The following AOPEP variants were observed in gnomAD, a reference collection of about 807,000 sequenced individuals.
The protein encoded by AOPEP is aminopeptidase O.
In AOPEP, 77 loss-of-function variants were observed where a neutral mutation model predicts 98.1. The ratio of observed to expected loss-of-function variants is 0.78; its 90% CI spans 0.65 to 0.95. AOPEP has a LOEUF of 0.95. AOPEP is among the 40% of genes least tolerant of loss of function. AOPEP has a pLI of 0.00. For missense variants in AOPEP, 1,024 were observed against 1,024.7 expected (o/e 1.00, Z 0.01); for synonymous variants, 346 against 365.3 (o/e 0.95, Z 0.60).
At chr9:94,907,971 T>C (rs1460700270) in intron 5 of AOPEP, among the ~76,000 whole-genome samples, 1 of 152,192 alleles carries the variant, frequency 6.6e-6, no homozygotes, top group Non-Finnish European at 1.5e-5. Context: ...TTCCAACTTA[T>C]GGAAATTATT....
At chr9:95,053,055 G>A (rs1329050452) in intron 13 of AOPEP, among the ~76,000 whole-genome samples, 2 of 152,106 alleles carry the variant, frequency 1.3e-5, no homozygotes, top group East Asian at 1.9e-4. Context: ...CTGGTTTCCA[G>A]TTGCCTGGTT....
intron 5 of AOPEP, among the ~76,000 whole-genome samples, chr9:94,860,712 G>T (rs2044835621): frequency 1.3e-5 from 2 of 152,166 alleles, no homozygotes; most frequent in African/African-American, 4.8e-5. Context: ...GGATGGATGG[G>T]TGCTCCATTG....
chr9:94,963,558 C>T (rs2058992742), intron 9 of AOPEP, among the ~76,000 whole-genome samples: 1 of 152,020 alleles, frequency 6.6e-6, no homozygotes, highest in Non-Finnish European at 1.5e-5. Flanking sequence ...GATAGAATTT[C>T]ATCCCCTTCA....
At chr9:95,027,107 C>A (rs2063904751) in intron 13 of AOPEP, among the ~76,000 whole-genome samples, 1 of 151,906 alleles carries the variant, frequency 6.6e-6, no homozygotes, top group African/African-American at 2.4e-5. Flanking sequence ...TAAAAAAATA[C>A]AAAAGTTAGC....
At chr9:94,990,799 T>G (rs1468635683) in intron 11 of AOPEP, among the ~76,000 whole-genome samples, 1 of 152,044 alleles carries the variant, frequency 6.6e-6, no homozygotes, top group Non-Finnish European at 1.5e-5. Flanking sequence ...GCTAATTTTT[T>G]GTATTTTTAG....
intron 5 of AOPEP, among the ~76,000 whole-genome samples, chr9:94,829,926 T>C (rs537002461): frequency 1.1e-4 from 16 of 152,332 alleles, no homozygotes; most frequent in African/African-American, 3.6e-4. Context: ...CACCTATCTC[T>C]GTGCTTTGCC....
chr9:94,918,319 T>A (rs1489708119), intron 5 of AOPEP, among the ~76,000 whole-genome samples: 5 of 152,306 alleles, frequency 3.3e-5, no homozygotes, highest in Middle Eastern at 3.4e-3. Context: ...TTACCTTCCT[T>A]TCACTAGGAG....
At chr9:94,931,912 A>T in intron 7 of AOPEP, 1 of 1,158,968 alleles carries the variant, frequency 8.6e-7, no homozygotes, top group Non-Finnish European at 1.2e-6. Context: ...TGGCAGGTTA[A>T]CAGTCTCCAC....
chr9:94,955,294 G>C lies in AOPEP; in HGVS notation c.1764+15G>C. 6.5e-7 allele frequency: 1 copy of C among 1,543,546 alleles called. No homozygotes were observed. On this transcript the variant is annotated intron_variant, in intron 8 of 16. Coordinates refer to ENST00000375315, the MANE Select transcript of AOPEP (RefSeq NM_001193329.3). Reference sequence around the variant, plus strand: ...ATTATTTAAAGGTAAGCACATGTCAGTTGCAGAAGCCAGTGATTGTGGTGC... The same window carrying C: ...ATTATTTAAAGGTAAGCACATGTCACTTGCAGAAGCCAGTGATTGTGGTGC...
downstream of AOPEP, among the ~76,000 whole-genome samples, chr9:95,089,733 A>G (rs1014982298): frequency 6.6e-6 from 1 of 152,174 alleles, no homozygotes; most frequent in African/African-American, 2.4e-5. Context: ...CTGAACTTGA[A>G]TCCGCCAGTT....
At chr9:95,015,141 A>G (rs1250860411) in intron 13 of AOPEP, among the ~76,000 whole-genome samples, 1 of 152,228 alleles carries the variant, frequency 6.6e-6, no homozygotes, top group Non-Finnish European at 1.5e-5. Flanking sequence ...TGATAAAGCA[A>G]CACTTTACAC....
At chr9:95,068,871 T>C (rs1173974806) in intron 14 of AOPEP, among the ~76,000 whole-genome samples, 1 of 152,112 alleles carries the variant, frequency 6.6e-6, no homozygotes. Flanking sequence ...AAACGTGATA[T>C]GGCTAGAAAT....
Position 94,928,432 on chromosome 9 carries a change from C to G in AOPEP, c.1562C>G (p.Pro521Arg). 1 of 1,547,738 alleles carries G rather than the reference C, an allele frequency of 6.5e-7. No individual in the cohort carries two copies. The highest frequency in any genetic ancestry group is 8.7e-7 in the Non-Finnish European group (1 of 1,146,856). The change falls in exon 7 of 17, where the codon CCC becomes CGC. Residue 521 changes from proline (P) to arginine (R), a missense_variant. By Grantham distance (103) the Pro-to-Arg change is moderately radical (BLOSUM62 -2). Transcript: ENST00000375315. Reference sequence around the variant, plus strand: ...GTGTCTGTGGCTGAGCAGCTGGCCCCCTATGAGGCCCGGGAGCAGCAGGAG... The same window carrying G: ...GTGTCTGTGGCTGAGCAGCTGGCCCGCTATGAGGCCCGGGAGCAGCAGGAG... ...VFWATAQQLA[P>R]YEAREQQELR...
At chr9:94,797,091 A>G (rs997276194) in intron 4 of AOPEP, among the ~76,000 whole-genome samples, 4 of 152,228 alleles carry the variant, frequency 2.6e-5, no homozygotes, top group African/African-American at 9.6e-5. Context: ...TAGGAAGTAC[A>G]GCATCTTTGA....
At chr9:94,776,048 T>C (rs1842024275) in intron 3 of AOPEP, among the ~76,000 whole-genome samples, 1 of 151,998 alleles carries the variant, frequency 6.6e-6, no homozygotes, top group Admixed American at 6.5e-5. Context: ...ACGTGGTTCA[T>C]TTATAGAAGA....
chr9:94,998,284 C>G (rs2061361122), intron 11 of AOPEP, among the ~76,000 whole-genome samples: 1 of 151,372 alleles, frequency 6.6e-6, no homozygotes, highest in Non-Finnish European at 1.5e-5. Flanking sequence ...ACCTAGGGGC[C>G]AAGCGATATG....
intron 11 of AOPEP, among the ~76,000 whole-genome samples, chr9:94,983,738 G>A (rs2138812429): frequency 6.6e-6 from 1 of 152,250 alleles, no homozygotes; most frequent in East Asian, 1.9e-4. Context: ...CCATCAGCCT[G>A]CCTTTGTGCA....
At chr9:95,015,797 C>T (rs1380824060) in intron 13 of AOPEP, among the ~76,000 whole-genome samples, 2 of 152,162 alleles carry the variant, frequency 1.3e-5, no homozygotes, top group Non-Finnish European at 2.9e-5. Context: ...TTTGTATAAT[C>T]GAGGATACCA....
chr9:95,123,710 C>T, the AOPEP span: 9 of 687,600 alleles, frequency 1.3e-5, no homozygotes, highest in Non-Finnish European at 2.4e-5. Context: ...TGCCTATGTG[C>T]TTCCCAAGCT....
Sources: gnomAD v4.1 joint callset for allele counts (sites outside exome capture counted in the v4.1 genomes callset) on GRCh38, gnomAD v4.1.1 for gene constraint, MANE v1.5 for transcripts, NCBI Gene and HGNC (gene_info 2026-07-23, HGNC 2026-07-21) for gene names.